ST6GALNAC3: variants seen among roughly 807,000 people sequenced by gnomAD.
ST6GALNAC3 encodes the protein alpha-N-acetylgalactosaminide alpha-2,6-sialyltransferase 3.
In ST6GALNAC3, 25 loss-of-function variants were observed where a neutral mutation model predicts 32.7. That is an observed-to-expected ratio of 0.76 (90% CI 0.56 to 1.07). The LOEUF (loss-of-function observed/expected upper bound fraction) is 1.07. Among genes scored for constraint, ST6GALNAC3 ranks in the 50% least tolerant of loss-of-function variants. The pLI, the probability that ST6GALNAC3 is intolerant of heterozygous loss-of-function variation, is 0.00. For missense variants in ST6GALNAC3, 355 were observed against 382.4 expected, an observed-to-expected ratio of 0.93 and a Z score of 0.60; for synonymous variants, 129 against 133.1, an observed-to-expected ratio of 0.97 and a Z score of 0.21.
intron 1 of ST6GALNAC3, among the ~76,000 whole-genome samples, chr1:76,108,861 A>AGTGTGT (rs10528375): frequency 8.0e-5 from 12 of 149,884 alleles, no homozygotes; most frequent in African/African-American, 2.7e-4. Flanking sequence ...CTGTAGACAT[A>AGTGTGT]GTGTGTGTGT....
chr1:76,294,147 A>C (rs1441259801), intron 1 of ST6GALNAC3, among the ~76,000 whole-genome samples: 1 of 152,134 alleles, frequency 6.6e-6, no homozygotes, highest in Admixed American at 6.5e-5. Context: ...CATTGTTCCC[A>C]CTATTCAGTA....
chr1:76,250,613 A>T (rs1657553223), intron 1 of ST6GALNAC3, among the ~76,000 whole-genome samples: 1 of 152,156 alleles, frequency 6.6e-6, no homozygotes. Flanking sequence ...TTCCAAGTAC[A>T]CTTCCAAGGG....
chr1:76,520,660 T>A (rs995049374), intron 3 of ST6GALNAC3, among the ~76,000 whole-genome samples: 1 of 149,930 alleles, frequency 6.7e-6, no homozygotes, highest in Non-Finnish European at 1.5e-5. Context: ...CCTGGCTAAG[T>A]TTTTTTTTTA....
intron 1 of ST6GALNAC3, among the ~76,000 whole-genome samples, chr1:76,137,766 T>A (rs1650042759): frequency 6.6e-6 from 1 of 152,176 alleles, no homozygotes; most frequent in South Asian, 2.1e-4. Flanking sequence ...TCCAAGAGAT[T>A]CTATCACTTA....
At chr1:76,451,220 C>T (rs1374463144) in intron 3 of ST6GALNAC3, among the ~76,000 whole-genome samples, 2 of 152,144 alleles carry the variant, frequency 1.3e-5, no homozygotes, top group Admixed American at 1.3e-4. Context: ...ATACCTGAGA[C>T]TGGGTAATTT....
At chr1:76,548,648 A>G (rs1431650902) in intron 3 of ST6GALNAC3, among the ~76,000 whole-genome samples, 2 of 152,172 alleles carry the variant, frequency 1.3e-5, no homozygotes, top group East Asian at 3.9e-4. Flanking sequence ...TGTCACGTGC[A>G]AGATAGTCTG....
intron 2 of ST6GALNAC3, among the ~76,000 whole-genome samples, chr1:76,331,199 A>G (rs2100959554): frequency 6.6e-6 from 1 of 152,272 alleles, no homozygotes; most frequent in South Asian, 2.1e-4. Flanking sequence ...CTAGGGGGAG[A>G]TGAACAACCG....
chr1:76,281,612 C>G (rs905459375), intron 1 of ST6GALNAC3, among the ~76,000 whole-genome samples: 1 of 152,146 alleles, frequency 6.6e-6, no homozygotes, highest in African/African-American at 2.4e-5. Flanking sequence ...CAGACAGCAC[C>G]CTTCTGTTTA....
At chr1:76,483,360 A>G (rs965237682) in intron 3 of ST6GALNAC3, among the ~76,000 whole-genome samples, 8 of 152,056 alleles carry the variant, frequency 5.3e-5, no homozygotes, top group African/African-American at 1.4e-4. Context: ...AAGTGTTCCT[A>G]TTTCTCCACA....
intron 1 of ST6GALNAC3, among the ~76,000 whole-genome samples, chr1:76,151,040 C>T (rs764030416): frequency 3.3e-5 from 5 of 152,188 alleles, no homozygotes; most frequent in Non-Finnish European, 5.9e-5. Flanking sequence ...TGCTTCATGA[C>T]CTGACATGCT....
intron 3 of ST6GALNAC3, among the ~76,000 whole-genome samples, chr1:76,488,887 ACT>A (rs1270713881): frequency 1.3e-5 from 2 of 152,142 alleles, no homozygotes; most frequent in East Asian, 3.9e-4. Flanking sequence ...CTGGCTGTTG[ACT>A]GTCCAGCAGG....
intron 1 of ST6GALNAC3, among the ~76,000 whole-genome samples, chr1:76,177,545 G>T (rs1202144059): frequency 2.0e-5 from 3 of 152,072 alleles, no homozygotes; most frequent in Non-Finnish European, 4.4e-5. Flanking sequence ...ATGCAACTGC[G>T]CAGGAGAAGA....
At chr1:76,088,253 C>A (rs557070132) in intron 1 of ST6GALNAC3, among the ~76,000 whole-genome samples, 1 of 152,296 alleles carries the variant, frequency 6.6e-6, no homozygotes, top group African/African-American at 2.4e-5. Flanking sequence ...GCGCCTATGA[C>A]CACAGACTTT....
chr1:76,470,320 G>T (rs974031157), intron 3 of ST6GALNAC3, among the ~76,000 whole-genome samples: 1 of 151,996 alleles, frequency 6.6e-6, no homozygotes, highest in African/African-American at 2.4e-5. Flanking sequence ...ACAGCTTATG[G>T]TTGCAAAAGA....
intron 3 of ST6GALNAC3, among the ~76,000 whole-genome samples, chr1:76,622,019 C>T (rs1648679152): frequency 6.6e-6 from 1 of 151,930 alleles, no homozygotes; most frequent in Non-Finnish European, 1.5e-5. Context: ...TCCAATAAAC[C>T]TCCATTATTG....
At chr1:76,552,304 T>C (rs1664686097) in intron 3 of ST6GALNAC3, among the ~76,000 whole-genome samples, 1 of 152,180 alleles carries the variant, frequency 6.6e-6, no homozygotes, top group African/African-American at 2.4e-5. Flanking sequence ...TCACTTACCC[T>C]TTCCCCCACA....
rs184374199 is a variant in ST6GALNAC3, at chr1:76,402,965, G to A, written c.214-9043G>A. Among the ~76,000 whole-genome samples the A allele has an allele frequency of 1.5e-4, 22 of 151,422 alleles. No homozygotes were observed. In the East Asian group the frequency reaches 2.9e-3, roughly 20 times the overall value. Reference sequence around the variant, plus strand: ...CCATCAGTGGTCCTTCTCTTGTATCGTCAATCATTCCATCTTTACCAACCT... The same window carrying A: ...CCATCAGTGGTCCTTCTCTTGTATCATCAATCATTCCATCTTTACCAACCT... On this transcript the variant is annotated intron_variant, in intron 2 of 4. Transcript: ENST00000328299.
intron 3 of ST6GALNAC3, among the ~76,000 whole-genome samples, chr1:76,446,189 A>G (rs963938396): frequency 2.0e-5 from 3 of 152,210 alleles, no homozygotes; most frequent in African/African-American, 7.2e-5. Flanking sequence ...TTTTTTAAAC[A>G]ACAGTTTTAA....
rs559473039 is a variant in ST6GALNAC3, at chr1:76,473,956, C to A, written c.623+61539C>A. Among the ~76,000 whole-genome samples the A allele has an allele frequency of 2.6e-5, 4 of 152,108 alleles. No individual in the cohort carries two copies. In the South Asian group the frequency reaches 8.3e-4, roughly 32 times the overall value. On this transcript the variant is annotated intron_variant, in intron 3 of 4. Transcript: ENST00000328299. Reference sequence around the variant, plus strand: ...CCTGAGCTAACAAGAAAAAAAAAAGCTTTAATTTCCCTGGCCTGCCAGAGA... The same window carrying A: ...CCTGAGCTAACAAGAAAAAAAAAAGATTTAATTTCCCTGGCCTGCCAGAGA...
Sources: gnomAD v4.1 joint callset for allele counts (sites outside exome capture counted in the v4.1 genomes callset) on GRCh38, gnomAD v4.1.1 for gene constraint, MANE v1.5 for transcripts, NCBI Gene and HGNC (gene_info 2026-07-23, HGNC 2026-07-21) for gene names.